The following FRMPD4 variants were observed in gnomAD, a reference collection of about 807,000 sequenced individuals.
The protein encoded by FRMPD4 is FERM and PDZ domain-containing protein 4.
A neutral mutation model predicts 94.1 loss-of-function variants in FRMPD4; 22 were observed. The ratio of observed to expected loss-of-function variants is 0.23; its 90% CI spans 0.17 to 0.33. FRMPD4 has a LOEUF of 0.33. Ranked by LOEUF, FRMPD4 falls within the 10% of genes least tolerant of loss-of-function variation. The probability of loss-of-function intolerance (pLI) is 1.00; values close to 1 mark genes in which losing one functional copy is unlikely to be tolerated. For missense variants in FRMPD4, 1,111 were observed against 1,339.9 expected (o/e 0.83, Z 2.67); for synonymous variants, 631 against 548.6 (o/e 1.15, Z -2.10).
intron 2 of FRMPD4, among the ~76,000 whole-genome samples, chrX:11,876,260 G>T (rs1361618253): frequency 9.0e-6 from 1 of 111,137 alleles, no homozygotes; most frequent in Admixed American, 9.6e-5. Flanking sequence ...TTGCTGAATT[G>T]CACTTTTGCT....
intron 2 of FRMPD4, among the ~76,000 whole-genome samples, chrX:12,607,294 G>A (rs2059140490): frequency 9.0e-6 from 1 of 111,358 alleles, no homozygotes; most frequent in Non-Finnish European, 1.9e-5. Context: ...CATGGTAGCT[G>A]CGTCTAATCT....
chrX:12,100,139 A>G (rs1392902323), intron 3 of FRMPD4, among the ~76,000 whole-genome samples: 1 of 112,249 alleles, frequency 8.9e-6, no homozygotes, highest in East Asian at 2.8e-4. Flanking sequence ...AAATTTGTCA[A>G]TGGCAGCTGT....
At chrX:12,499,706 C>T (rs1160496782) in intron 2 of FRMPD4, among the ~76,000 whole-genome samples, 1 of 112,304 alleles carries the variant, frequency 8.9e-6, no homozygotes, top group East Asian at 2.8e-4. Context: ...GAAGTTTTTC[C>T]TTTTTTTATT....
chrX:12,553,460 A>ATATATATATATATATATATATG (rs769330484), intron 2 of FRMPD4, among the ~76,000 whole-genome samples: 46 of 81,533 alleles, frequency 5.6e-4, no homozygotes, highest in African/African-American at 2.2e-3. Context: ...ATATATATAT[A>ATATATATATATATATATATATG]TATATATCTA....
chrX:12,262,957 G>A (rs1022158300), intron 1 of FRMPD4, among the ~76,000 whole-genome samples: 2 of 111,726 alleles, frequency 1.8e-5, no homozygotes, highest in African/African-American at 6.5e-5. Context: ...TACTGAAGGG[G>A]CCTCGTGAGG....
intron 3 of FRMPD4, among the ~76,000 whole-genome samples, chrX:12,112,582 G>T (rs1414210929): frequency 1.8e-5 from 2 of 110,642 alleles, no homozygotes; most frequent in Non-Finnish European, 3.8e-5. Flanking sequence ...TTTCAAAAAG[G>T]ATATTAATGA....
chrX:12,193,838 G>GGAAAGAAAAGA (rs1478269492), intron 1 of FRMPD4, among the ~76,000 whole-genome samples: 1 of 59,928 alleles, frequency 1.7e-5, no homozygotes, highest in African/African-American at 7.3e-5. Context: ...AGGGAAGGAA[G>GGAAAGAAAAGA]AAAGAAAAGA....
chrX:12,360,301 C>A (rs2055964903), intron 1 of FRMPD4, among the ~76,000 whole-genome samples: 1 of 111,576 alleles, frequency 9.0e-6, no homozygotes, highest in Non-Finnish European at 1.9e-5. Flanking sequence ...GCATTGAGAC[C>A]AAACTCTGGT....
intron 2 of FRMPD4, among the ~76,000 whole-genome samples, chrX:12,505,217 C>T (rs185607496): frequency 2.7e-5 from 3 of 111,594 alleles, no homozygotes; most frequent in Admixed American, 9.4e-5. Context: ...TTTTGAGTGG[C>T]CTCTGGACCT....
chrX:12,719,470 C>G (rs1390791243), intron 16 of FRMPD4, among the ~76,000 whole-genome samples: 1 of 112,593 alleles, frequency 8.9e-6, no homozygotes, highest in Non-Finnish European at 1.9e-5. Context: ...AGGCATTCCC[C>G]TCACCGATCC....
At chrX:12,491,167 G>A (rs751004474) in intron 1 of FRMPD4, among the ~76,000 whole-genome samples, 4 of 110,272 alleles carry the variant, frequency 3.6e-5, no homozygotes, top group Non-Finnish European at 7.6e-5. Flanking sequence ...AATCATAACC[G>A]TTTTCTAGTT....
intron 3 of FRMPD4, among the ~76,000 whole-genome samples, chrX:12,129,382 C>T (rs2055527433): frequency 9.0e-6 from 1 of 111,494 alleles, no homozygotes; most frequent in South Asian, 3.9e-4. Flanking sequence ...ACCATCAGAG[C>T]TCATGAGAAT....
intron 1 of FRMPD4, among the ~76,000 whole-genome samples, chrX:12,193,758 G>GAA (rs1341532377): frequency 9.5e-5 from 1 of 10,547 alleles, no homozygotes; most frequent in Non-Finnish European, 1.4e-4. Context: ...GAAACAGAAA[G>GAA]AAAGAAAGAA....
chrX:12,078,824 G>A (rs1051643632), intron 3 of FRMPD4, among the ~76,000 whole-genome samples: 1 of 111,518 alleles, frequency 9.0e-6, no homozygotes, highest in Non-Finnish European at 1.9e-5. Context: ...TCACCTTTCT[G>A]GTTGTATCAA....
chrX:11,877,343 C>G (rs1221612025), intron 2 of FRMPD4, among the ~76,000 whole-genome samples: 1 of 111,897 alleles, frequency 8.9e-6, no homozygotes, highest in Non-Finnish European at 1.9e-5. Flanking sequence ...TGGCTTCACT[C>G]CAGCTCAGAG....
At chrX:12,550,656 G>C (rs1220809354) in intron 2 of FRMPD4, among the ~76,000 whole-genome samples, 2 of 110,724 alleles carry the variant, frequency 1.8e-5, no homozygotes, top group African/African-American at 6.5e-5. Context: ...AAAAAAAATT[G>C]TTCTCTGTAT....
intron 2 of FRMPD4, among the ~76,000 whole-genome samples, chrX:12,561,201 T>C (rs1203850802): frequency 8.9e-6 from 1 of 112,304 alleles, no homozygotes; most frequent in Non-Finnish European, 1.9e-5. Context: ...TCTCTCCAGA[T>C]ATTTCCACTT....
In FRMPD4 at chrX:12,718,428, C is replaced by T; in HGVS notation, c.3602C>T (p.Ser1201Leu). 8.3e-7 allele frequency: 1 copy of T among 1,209,942 alleles called. No individual in the cohort carries two copies. Among genetic ancestry groups the T allele is most frequent in the Non-Finnish European group, 1.1e-6 (1 of 893,805 alleles). The part of the protein sequence containing the change: ...CDYHLAKRMS[S>L]LQSEGHFSLQ... ...TACCACTTGGCCAAGCGGATGTCATCACTGCAAAGCGAGGGCCATTTTTCT... is the reference window on the plus strand; with the variant it reads ...TACCACTTGGCCAAGCGGATGTCATTACTGCAAAGCGAGGGCCATTTTTCT... The change falls in exon 16 of 17, where the codon TCA becomes TTA. Residue 1201 changes from serine (S) to leucine (L), a missense_variant. Ser to Leu is a moderately radical substitution (Grantham distance 145). Coordinates refer to ENST00000675598, the MANE Select transcript of FRMPD4 (RefSeq NM_001368397.1).
At chrX:12,305,654 C>G (rs954922593) in intron 1 of FRMPD4, among the ~76,000 whole-genome samples, 6 of 104,732 alleles carry the variant, frequency 5.7e-5, no homozygotes, top group Admixed American at 2.2e-4. Flanking sequence ...AATCACTGAG[C>G]TGAGGCGATC....
Sources: allele counts gnomAD v4.1 joint callset (sites outside exome capture counted in the v4.1 genomes callset), GRCh38; gene constraint gnomAD v4.1.1; transcripts MANE v1.5; gene names NCBI Gene and HGNC (gene_info 2026-07-23, HGNC 2026-07-21).